The following CHFR variants were observed in gnomAD, a reference collection of about 807,000 sequenced individuals.
CHFR encodes E3 ubiquitin-protein ligase CHFR.
Under a neutral mutation model 87.6 loss-of-function variants are expected in CHFR, and 57 were observed. The ratio of observed to expected loss-of-function variants is 0.65; its 90% CI spans 0.53 to 0.81. CHFR has a LOEUF of 0.81. Among genes scored for constraint, CHFR ranks in the 30% least tolerant of loss-of-function variants. The pLI, the probability that CHFR is intolerant of heterozygous loss-of-function variation, is 0.00. For missense variants in CHFR, 797 were observed against 865.8 expected (o/e 0.92, Z 1.00); for synonymous variants, 381 against 359.2 (o/e 1.06, Z -0.69).
intron 8 of CHFR, 47 bp downstream of exon 8, chr12:132,859,021 A>G (rs1159207916): frequency 6.3e-7 from 1 of 1,576,354 alleles, no homozygotes; most frequent in Admixed American, 1.7e-5. Context: ...CGGGACGAAG[A>G]ACCTGCAGTG....
chr12:132,856,300 A>C (rs1951069255), intron 10 of CHFR, among the ~76,000 whole-genome samples, 168 bp downstream of exon 10: 1 of 152,106 alleles, frequency 6.6e-6, no homozygotes, highest in Non-Finnish European at 1.5e-5. Flanking sequence ...GGGAGGTGCT[A>C]ATACTATCCA....
chr12:132,844,454 T>G (rs140443838), intron 15 of CHFR, among the ~76,000 whole-genome samples: 11,665 of 127,888 alleles, frequency 0.091, 2,149 homozygotes, highest in Non-Finnish European at 0.15. Context: ...CGGGCTAATT[T>G]TTTGTATTTT....
At chr12:132,845,328 G>A (rs866844310) in intron 15 of CHFR, among the ~76,000 whole-genome samples, 9 of 151,994 alleles carry the variant, frequency 5.9e-5, no homozygotes, top group Middle Eastern at 3.4e-3. Context: ...GCATGTTGGC[G>A]GGTGCCTGTA....
chr12:132,866,400 G>GACCGGAACACCAC (rs1183776606), intron 6 of CHFR: 3 of 151,532 alleles, frequency 2.0e-5, no homozygotes, highest in African/African-American at 4.9e-5. Context: ...TGTTACAACA[G>GACCGGAACACCAC]ACCGGAACAC....
intron 3 of CHFR, among the ~76,000 whole-genome samples, chr12:132,874,986 A>T (rs1375554052): frequency 8.9e-6 from 1 of 112,886 alleles, no homozygotes; most frequent in East Asian, 3.0e-4. Flanking sequence ...TAGGCGGGAA[A>T]GCCCAGGACC....
chr12:132,848,051 G>T, intron 14 of CHFR, 34 bp downstream of exon 14: 2 of 1,613,726 alleles, frequency 1.2e-6, no homozygotes, highest in Non-Finnish European at 1.7e-6. Flanking sequence ...AGAAAATGTG[G>T]CTCCCGGCTC....
chr12:132,873,470 G>C (rs1566199646), intron 3 of CHFR, among the ~76,000 whole-genome samples: 2 of 152,198 alleles, frequency 1.3e-5, no homozygotes. Flanking sequence ...TTATACACGG[G>C]TTTTTTTCAA....
intron 2 of CHFR, among the ~76,000 whole-genome samples, chr12:132,880,205 G>A (rs1306268723): frequency 6.6e-6 from 1 of 152,168 alleles, no homozygotes; most frequent in African/African-American, 2.4e-5. Context: ...TGTAAGGATG[G>A]CCAGACAGAG....
At position 132,851,607 on chromosome 12, in the gene CHFR, CG is replaced by C. The variant is rs1247677659; in HGVS notation, c.1492+10del. 3.1e-6 allele frequency: 5 copies of C among 1,603,706 alleles called. No homozygotes were observed. The highest frequency in any genetic ancestry group is 3.4e-6 in the Non-Finnish European group (4 of 1,175,118). ...AGGAACCCGCCTGCGTGCGGTGGCG[CG>C]GGCACTCACACTGCTGAGGGGCGAC... On this transcript the variant is annotated intron_variant, in intron 12 of 17. Coordinates refer to ENST00000450056, the MANE Select transcript of CHFR (RefSeq NM_001161346.2).
chr12:132,847,340 C>T, intron 14 of CHFR: 2 of 1,321,472 alleles, frequency 1.5e-6, no homozygotes, highest in Non-Finnish European at 1.9e-6. Flanking sequence ...CCAAAAGGTT[C>T]CAGTGTAACA....
At chr12:132,855,061 G>A (rs1951035937) in intron 10 of CHFR, 1 of 152,028 alleles carries the variant, frequency 6.6e-6, no homozygotes, top group Non-Finnish European at 1.5e-5. Flanking sequence ...GGCCAACATG[G>A]TGAAACTCTG....
chr12:132,878,154 C>CA (rs1951673002), intron 2 of CHFR, among the ~76,000 whole-genome samples: 1 of 152,000 alleles, frequency 6.6e-6, no homozygotes. Flanking sequence ...ATCAATACCT[C>CA]CAGTTACACA....
At position 132,838,886 on chromosome 12, in the gene CHFR, A is replaced by G. The variant is rs1398626160; in HGVS notation, c.*2668T>C. On this transcript the variant is annotated 3_prime_UTR_variant, in exon 18 of 18. Coordinates refer to ENST00000450056, the MANE Select transcript of CHFR (RefSeq NM_001161346.2). ...ACTGCCCTGATCTCCCTGCCTCCATAAAACACGGCTCCTTACCACGCTGGG... is the reference window on the plus strand; with the variant it reads ...ACTGCCCTGATCTCCCTGCCTCCATGAAACACGGCTCCTTACCACGCTGGG... The G allele has an allele frequency of 6.6e-6, 1 of 152,516 alleles. No homozygotes were observed. Among genetic ancestry groups the G allele is most frequent in the Admixed American group, 6.5e-5 (1 of 15,270 alleles). 9.4% of individuals were successfully genotyped at this position (152,516 alleles called of 1,614,324 possible).
chr12:132,879,812 A>T (rs1951724921), intron 2 of CHFR, among the ~76,000 whole-genome samples: 1 of 152,216 alleles, frequency 6.6e-6, no homozygotes, highest in African/African-American at 2.4e-5. Context: ...AAGGATACAT[A>T]AAGATACTAG....
intron 2 of CHFR, among the ~76,000 whole-genome samples, chr12:132,881,087 T>C (rs1951758462): frequency 6.6e-6 from 1 of 152,128 alleles, no homozygotes; most frequent in Admixed American, 6.5e-5. Flanking sequence ...GCCAACAGGA[T>C]GAGACCCCAT....
At chr12:132,862,435 A>C (rs1951232982) in intron 6 of CHFR, 1 of 452,726 alleles carries the variant, frequency 2.2e-6, no homozygotes, top group Non-Finnish European at 4.4e-6. Context: ...TCTACAAAAA[A>C]TACAAAAAAG....
At chr12:132,856,418 G>C in intron 10 of CHFR, 50 bp downstream of exon 10, 1 of 1,599,484 alleles carries the variant, frequency 6.3e-7, no homozygotes, top group Non-Finnish European at 8.6e-7. Context: ...TCACGGTTGT[G>C]ATGCTCCTCT....
Position 132,853,690 on chromosome 12 carries a change from G to A in CHFR, c.1230-117C>T, listed in dbSNP as rs1339573223. On this transcript the variant is annotated intron_variant, in intron 10 of 17. Transcript: ENST00000450056. ...CTCCACCGTCGCTCAGCTGCTTGGT[G>A]TGAGGGGAAGGGCCGGGCCCCATTC... 15 of 1,256,238 alleles carry A rather than the reference G, an allele frequency of 1.2e-5. No individual in the cohort carries two copies. In the South Asian group the frequency reaches 1.7e-4, roughly 14 times the overall value. 77.8% of individuals were successfully genotyped at this position (1,256,238 alleles called of 1,614,324 possible).
In CHFR at chr12:132,846,813, G is replaced by A. The variant is rs915217807; in HGVS notation, c.1735+230C>T. ...GAGAATCGCTTGAACCCAGGAGGCC[G>A]AGGGGGCCTTGAGCTGAGATCATGC... On this transcript the variant is annotated intron_variant, in intron 15 of 17. Transcript: ENST00000450056. Among the ~76,000 whole-genome samples the A allele has an allele frequency of 7.9e-5, 12 of 152,302 alleles. No homozygotes were observed. In the East Asian group the frequency reaches 1.2e-3, roughly 15 times the overall value.
Sources: allele counts gnomAD v4.1 joint callset (sites outside exome capture counted in the v4.1 genomes callset), GRCh38; gene constraint gnomAD v4.1.1; transcripts MANE v1.5; gene names NCBI Gene and HGNC (gene_info 2026-07-23, HGNC 2026-07-21).